The following OSBPL3 variants were observed in gnomAD, a reference collection of about 807,000 sequenced individuals.
OSBPL3 encodes oxysterol-binding protein-related protein 3.
OSBPL3 carries 65 observed loss-of-function variants against 120.1 expected under a neutral mutation model. The observed-to-expected ratio is 0.54, with a 90% CI of 0.44 to 0.67. The LOEUF is 0.67. Among genes scored for constraint, OSBPL3 ranks in the 30% least tolerant of loss-of-function variants. The pLI is 0.00. For missense variants in OSBPL3, 1,004 were observed against 1,082.1 expected (o/e 0.93, Z 1.01); for synonymous variants, 416 against 402.6 (o/e 1.03, Z -0.40).
chr7:24,875,109 T>C (rs1237104023), intron 2 of OSBPL3, among the ~76,000 whole-genome samples: 2 of 152,266 alleles, frequency 1.3e-5, no homozygotes, highest in African/African-American at 2.4e-5. Flanking sequence ...CAAAGTGCCA[T>C]TAGCCATTTC....
In OSBPL3 at chr7:24,855,296, C is replaced by T. The variant is rs925357111; in HGVS notation, c.1028-2662G>A. 7.9e-5 allele frequency among the ~76,000 whole-genome samples: 12 copies of T among 152,182 alleles called. No homozygotes were observed. Among genetic ancestry groups the T allele is most frequent in the Non-Finnish European group, 1.5e-4 (10 of 68,036 alleles). On this transcript the variant is annotated intron_variant, in intron 10 of 22. Coordinates refer to ENST00000313367, the MANE Select transcript of OSBPL3 (RefSeq NM_015550.4). The surrounding 1 kb of genome is among the most constrained non-coding windows in gnomAD (Gnocchi z 4.3). ...CAAATAAAATAAATGTGGCACTCAG[C>T]TAGCCGCCACTTTCCAAATCAATTC...
At chr7:24,902,494 T>C (rs1421937648) in intron 1 of OSBPL3, among the ~76,000 whole-genome samples, 1 of 152,158 alleles carries the variant, frequency 6.6e-6, no homozygotes, top group Admixed American at 6.5e-5. Flanking sequence ...CTACTAAAGA[T>C]GCTGATGCAA....
rs1022994428 is a variant in OSBPL3 at position 24,933,299 on chromosome 7, T to C, written c.-149-40678A>G. On this transcript the variant is annotated intron_variant, in intron 1 of 22. Coordinates refer to ENST00000313367, the MANE Select transcript of OSBPL3 (RefSeq NM_015550.4). This position sits in a 1 kb window ranked among gnomAD's most constrained non-coding sequence, Gnocchi z 5.1. ...GAGGCATTTCAGCTTGACAATTTAG[T>C]AACACTGCTCTAGAGTCAAAAAAAG... Among the ~76,000 whole-genome samples, 4 of 152,150 alleles carry C rather than the reference T, an allele frequency of 2.6e-5. No homozygotes were observed. The highest frequency in any genetic ancestry group is 9.7e-5 in the African/African-American group (4 of 41,428).
chr7:24,957,197 C>T (rs771907803), intron 1 of OSBPL3, among the ~76,000 whole-genome samples: 9 of 151,406 alleles, frequency 5.9e-5, no homozygotes, highest in Non-Finnish European at 1.2e-4. Context: ...TTAATCTACA[C>T]TTTGCAGAGA....
At position 24,799,575 on chromosome 7, in the gene OSBPL3, G is replaced by T. The variant is rs1792062272; in HGVS notation, c.*608C>A. 1 of 152,150 alleles carries T rather than the reference G, an allele frequency of 6.6e-6. No individual in the cohort carries two copies. Among genetic ancestry groups the T allele is most frequent in the South Asian group, 2.1e-4 (1 of 4,828 alleles). 9.4% of individuals were successfully genotyped at this position (152,150 alleles called of 1,614,324 possible). ...GTTCAAATGCTTCCTTTTCAAGAAG[G>T]TGCCGTATACGTCTTATATAAAAAT... On this transcript the variant is annotated 3_prime_UTR_variant, in exon 23 of 23. Coordinates refer to ENST00000313367, the MANE Select transcript of OSBPL3 (RefSeq NM_015550.4). This position sits in a 1 kb window ranked among gnomAD's most constrained non-coding sequence, Gnocchi z 5.3.
At chr7:24,825,022 C>G (rs926405706) in intron 16 of OSBPL3, among the ~76,000 whole-genome samples, 4 of 152,164 alleles carry the variant, frequency 2.6e-5, no homozygotes, top group Non-Finnish European at 5.9e-5. Flanking sequence ...GGAGAAGTGT[C>G]TGAGGGTGAG....
chr7:24,906,971 C>T (rs1808030312), intron 1 of OSBPL3, among the ~76,000 whole-genome samples: 1 of 152,148 alleles, frequency 6.6e-6, no homozygotes, highest in Non-Finnish European at 1.5e-5. Context: ...CTCCCTCATG[C>T]TGATATTAAT....
In OSBPL3 at chr7:24,819,159, A is replaced by G. The variant is rs1794816896; in HGVS notation, c.1948+1016T>C. Among the ~76,000 whole-genome samples the G allele has an allele frequency of 6.6e-6, 1 of 151,734 alleles. No individual in the cohort carries two copies. Among genetic ancestry groups the G allele is most frequent in the Non-Finnish European group, 1.5e-5 (1 of 67,972 alleles). Reference sequence around the variant, plus strand: ...TCCCAGCTACTCGGGAGGCTGAGACAGGAGAATCACTTGAACACGGGAGAC... The same window carrying G: ...TCCCAGCTACTCGGGAGGCTGAGACGGGAGAATCACTTGAACACGGGAGAC... On this transcript the variant is annotated intron_variant, in intron 17 of 22. Coordinates refer to ENST00000313367, the MANE Select transcript of OSBPL3 (RefSeq NM_015550.4). This position sits in a 1 kb window ranked among gnomAD's most constrained non-coding sequence, Gnocchi z 4.1.
In OSBPL3 at chr7:24,882,304, T is replaced by C. The variant is rs368132011; in HGVS notation, c.96+10073A>G. Among the ~76,000 whole-genome samples the C allele has an allele frequency of 2.0e-5, 3 of 147,858 alleles. 1 individual carries two copies. In the South Asian group the frequency reaches 6.9e-4, roughly 34 times the overall value. On this transcript the variant is annotated intron_variant, in intron 2 of 22. Coordinates refer to ENST00000313367, the MANE Select transcript of OSBPL3 (RefSeq NM_015550.4). ...ATTATCTAGATCATTCCACTCTCTATGTCCACCTGAATACATTTTTTAGCA... is the reference window on the plus strand; with the variant it reads ...ATTATCTAGATCATTCCACTCTCTACGTCCACCTGAATACATTTTTTAGCA...
At chr7:24,897,938 G>A (rs1428443199) in intron 1 of OSBPL3, among the ~76,000 whole-genome samples, 1 of 152,160 alleles carries the variant, frequency 6.6e-6, no homozygotes, top group Non-Finnish European at 1.5e-5. Context: ...AGTTGGAAAC[G>A]ACTTTCATGA....
At chr7:24,919,542 C>T (rs1056917658) in intron 1 of OSBPL3, among the ~76,000 whole-genome samples, 8 of 152,000 alleles carry the variant, frequency 5.3e-5, no homozygotes, top group Non-Finnish European at 1.5e-5. Flanking sequence ...AATGTAAGAG[C>T]TAAATCTATA....
intron 1 of OSBPL3, among the ~76,000 whole-genome samples, chr7:24,944,876 A>G (rs957236480): frequency 2.0e-5 from 3 of 152,232 alleles, no homozygotes; most frequent in Admixed American, 1.3e-4. Flanking sequence ...TTCTCAAAAA[A>G]TATTTTAGAA....
In OSBPL3 at chr7:24,870,832, T is replaced by TTC. The variant is rs760668536; in HGVS notation, c.279_280dup (p.Lys94ArgfsTer13). 2 of 1,612,280 alleles carry TTC rather than the reference T, an allele frequency of 1.2e-6. No homozygotes were observed. The highest frequency in any genetic ancestry group is 1.7e-6 in the Non-Finnish European group (2 of 1,178,330). ...CCCGACATCAATGCAGCCATGCAGCTTCTCTCTCTCTATCTGCAGAGGCAC... is the reference window on the plus strand; with the variant it reads ...CCCGACATCAATGCAGCCATGCAGCTTCTCTCTCTCTCTATCTGCAGAGGCAC... On this transcript the variant is annotated frameshift_variant, in exon 5 of 23. Transcript: ENST00000313367. LOFTEE classifies it high-confidence loss of function.
At chr7:24,861,125 G>A (rs1800467408) in intron 10 of OSBPL3, among the ~76,000 whole-genome samples, 1 of 152,096 alleles carries the variant, frequency 6.6e-6, no homozygotes, top group African/African-American at 2.4e-5. Flanking sequence ...CTTCTAATAG[G>A]TGTGTAGTGA....
Position 24,804,191 on chromosome 7 carries a change from G to T in OSBPL3, c.2567+124C>A, listed in dbSNP as rs2285651. ...GCACAGAGGAGCAGTACCCCCACGT[G>T]GAAGCAGGAAAAGCCTGGAGAATGC... On this transcript the variant is annotated intron_variant, in intron 22 of 22. Coordinates refer to ENST00000313367, the MANE Select transcript of OSBPL3 (RefSeq NM_015550.4). This position sits in a 1 kb window ranked among gnomAD's most constrained non-coding sequence, Gnocchi z 5.4. 0.15 allele frequency: 167,774 copies of T among 1,146,464 alleles called. 16,666 individuals carry two copies. The highest frequency in any genetic ancestry group is 0.5 in the East Asian group (21,100 of 42,454). The allele number at this position is 1,146,464 out of a possible 1,614,324, so 71.0% of individuals were successfully genotyped here. A position where few individuals can be genotyped will look rare whatever the true frequency, so the allele number is the denominator to read the frequency against.
In OSBPL3 at chr7:24,796,872, T is replaced by C. The variant is rs1791775712; in HGVS notation, c.*3311A>G. The C allele has an allele frequency of 6.6e-6, 1 of 152,196 alleles. No individual in the cohort carries two copies. 9.4% of individuals were successfully genotyped at this position (152,196 alleles called of 1,614,324 possible). The stretch of plus-strand genomic sequence containing the variant: ...TGAAGACTAACACTGAGTAACAGAT[T>C]AGTACAATGCAGAGGAAAATAGAGC... On this transcript the variant is annotated 3_prime_UTR_variant, in exon 23 of 23. Coordinates refer to ENST00000313367, the MANE Select transcript of OSBPL3 (RefSeq NM_015550.4). The surrounding 1 kb of genome is among the most constrained non-coding windows in gnomAD (Gnocchi z 5.2).
At chr7:24,844,781 G>T (rs2128211297) in intron 12 of OSBPL3, among the ~76,000 whole-genome samples, 1 of 152,270 alleles carries the variant, frequency 6.6e-6, no homozygotes, top group Middle Eastern at 3.4e-3. Context: ...ATATGAATGT[G>T]GAAGTGGACG....
At chr7:24,811,443 T>G (rs1255940017) in intron 19 of OSBPL3, among the ~76,000 whole-genome samples, 1 of 152,256 alleles carries the variant, frequency 6.6e-6, no homozygotes, top group African/African-American at 2.4e-5. Context: ...TTACAAATAT[T>G]TTCTCCTATT....
chr7:24,942,011 T>C (rs1439568735), intron 1 of OSBPL3, among the ~76,000 whole-genome samples: 1 of 152,168 alleles, frequency 6.6e-6, no homozygotes, highest in Non-Finnish European at 1.5e-5. Context: ...ACATCTCTCT[T>C]TGTAACACAT....
Sources: gnomAD v4.1 joint callset for allele counts (sites outside exome capture counted in the v4.1 genomes callset) on GRCh38, gnomAD v4.1.1 for gene constraint, Gnocchi (gnomAD v3.1) non-coding constraint, MANE v1.5 for transcripts, NCBI Gene and HGNC (gene_info 2026-07-23, HGNC 2026-07-21) for gene names.